The following HPN variants were observed in gnomAD, a reference collection of about 807,000 sequenced individuals.
HPN encodes hepsin, also known as serine protease hepsin.
HPN carries 13 observed loss-of-function variants against 55.9 expected under a neutral mutation model. That is an observed-to-expected ratio of 0.23 (90% CI 0.15 to 0.37). The LOEUF (loss-of-function observed/expected upper bound fraction) is 0.37. Among genes scored for constraint, HPN ranks in the 10% least tolerant of loss-of-function variants. HPN has a pLI of 1.00. For missense variants in HPN, 451 were observed against 575.8 expected, an observed-to-expected ratio of 0.78 and a Z score of 2.22; for synonymous variants, 225 against 240.3, an observed-to-expected ratio of 0.94 and a Z score of 0.59.
Position 35,065,350 on chromosome 19 carries a change from G to A in HPN, c.907+5G>A, listed in dbSNP as rs1397831317. 1 of 1,609,292 alleles carries A rather than the reference G, an allele frequency of 6.2e-7. No individual in the cohort carries two copies. Among genetic ancestry groups the A allele is most frequent in the Non-Finnish European group, 8.5e-7 (1 of 1,176,632 alleles). On this transcript the variant is annotated splice_donor_5th_base_variant and intron_variant, in intron 10 of 12. Transcript: ENST00000672452. ...GGGGCAACACGCAGTACTATGGTGA[G>A]TCCTGTCCTCTGCCTCTGATGCCAC... is the stretch of plus-strand genomic sequence containing the variant.
At position 35,060,663 on chromosome 19, in the gene HPN, C is replaced by G. The variant is rs148413093; in HGVS notation, c.657C>G (p.Ala219=). 1.3e-5 allele frequency: 21 copies of G among 1,614,006 alleles called. No individual in the cohort carries two copies. The highest frequency in any genetic ancestry group is 4.0e-5 in the African/African-American group (3 of 74,940). ...TCCTGTCCCGATGGCGAGTGTTTGC[C>G]GGTGCCGTGGCCCAGGCCTCTCCCC... ...NRVLSRWRVF[A]GAVAQASPHG... The change falls in exon 9 of 13, where the codon GCC becomes GCG. Residue 219 remains alanine (A), a synonymous_variant. Transcript: ENST00000672452.
chr19:35,047,838 A>G (rs2064356743), intron 2 of HPN, among the ~76,000 whole-genome samples: 1 of 151,908 alleles, frequency 6.6e-6, no homozygotes, highest in African/African-American at 2.4e-5. Context: ...CAATACAAAA[A>G]ATACAAAAAT....
chr19:35,065,658 G>A lies in HPN; in HGVS notation c.1027G>A (p.Glu343Lys), dbSNP rs753919157. 5.8e-5 allele frequency: 94 copies of A among 1,614,034 alleles called. No homozygotes were observed. Among genetic ancestry groups the A allele is most frequent in the Middle Eastern group, 1.6e-4 (1 of 6,084 alleles). ...CAAGATGTTCTGTGCTGGCTACCCCGAGGGTGGCATTGATGCCTGCCAGGT... is the reference window on the plus strand; with the variant it reads ...CAAGATGTTCTGTGCTGGCTACCCCAAGGGTGGCATTGATGCCTGCCAGGT... ...KPKMFCAGYP[E>K]GGIDACQGDS... is the part of the protein sequence containing the mutation. The change falls in exon 11 of 13, where the codon GAG becomes AAG. Residue 343 changes from glutamate to lysine, a missense_variant. Physicochemically the swap from Glu to Lys is moderately conservative, Grantham distance 56. This residue lies in a region of HPN where 73 missense variants were observed against 130.3 expected (regional missense o/e 0.56). Coordinates refer to ENST00000672452, the MANE Select transcript of HPN (RefSeq NM_001384133.1).
At chr19:35,060,197 C>T (rs751288680) in intron 7 of HPN, 28 bp downstream of exon 7, 2 of 1,613,552 alleles carry the variant, frequency 1.2e-6, no homozygotes, top group Non-Finnish European at 1.7e-6. Context: ...AGAACCCTCT[C>T]CTTTAGGCCC....
At chr19:35,051,610 A>G (rs2064406281) in intron 4 of HPN, among the ~76,000 whole-genome samples, 1 of 151,970 alleles carries the variant, frequency 6.6e-6, no homozygotes, top group South Asian at 2.1e-4. Context: ...GGAGCTAGTC[A>G]GTGTCAGGGC....
At chr19:35,059,609 T>A in intron 4 of HPN, 64 bp from the exon 5 acceptor site, 1 of 1,547,170 alleles carries the variant, frequency 6.5e-7, no homozygotes, top group Non-Finnish European at 8.7e-7. Context: ...GGGCTCCGGC[T>A]GGGGAAGCAT....
At chr19:35,046,489 C>T (rs1253302990) in intron 2 of HPN, among the ~76,000 whole-genome samples, 1 of 152,194 alleles carries the variant, frequency 6.6e-6, no homozygotes, top group East Asian at 1.9e-4. Context: ...AAGTGATCCA[C>T]CTGCCTCAGC....
intron 2 of HPN, among the ~76,000 whole-genome samples, chr19:35,042,770 C>A (rs2064306972): frequency 1.3e-5 from 2 of 152,192 alleles, no homozygotes; most frequent in Non-Finnish European, 2.9e-5. Flanking sequence ...TCCCCTCATC[C>A]CCCAGTGATT....
intron 4 of HPN, among the ~76,000 whole-genome samples, chr19:35,051,677 T>A (rs1418398337): frequency 8.2e-6 from 1 of 122,448 alleles, no homozygotes; most frequent in Non-Finnish European, 1.9e-5. Flanking sequence ...TACACTTGAT[T>A]GCTTGTTAAA....
In HPN at chr19:35,060,849, G is replaced by A. The variant is rs1184105335; in HGVS notation, c.811+32G>A. ...CTAAGGGCTGAGCCATGGGGCTTGA[G>A]GACCCGAGGCCAGGAGGACAGAGGA... is the stretch of plus-strand genomic sequence containing the variant. On this transcript the variant is annotated intron_variant, in intron 9 of 12. Transcript: ENST00000672452. 6.6e-6 allele frequency: 10 copies of A among 1,526,218 alleles called. No individual in the cohort carries two copies. In the East Asian group the frequency reaches 2.3e-4, roughly 35 times the overall value. The allele number at this position is 1,526,218 out of a possible 1,614,324, so 94.5% of individuals were successfully genotyped here. A position where few individuals can be genotyped will look rare whatever the true frequency, so the allele number is the denominator to read the frequency against.
rs1159735304 is a variant in HPN at position 35,042,455 on chromosome 19, C to T, written c.-52C>T. ...CCTCCCCGTCCATCTCCTCACAGGTCCCACCCTGGCCCAGGAGGTCAGCCA... is the reference window on the plus strand; with the variant it reads ...CCTCCCCGTCCATCTCCTCACAGGTTCCACCCTGGCCCAGGAGGTCAGCCA... On this transcript the variant is annotated splice_region_variant and 5_prime_UTR_variant, in exon 2 of 13. Transcript: ENST00000672452. The T allele has an allele frequency of 1.2e-5, 19 of 1,582,966 alleles. No homozygotes were observed. The highest frequency in any genetic ancestry group is 1.5e-5 in the Non-Finnish European group (17 of 1,164,998).
chr19:35,063,096 A>G (rs1340577044), intron 9 of HPN, among the ~76,000 whole-genome samples: 6 of 152,214 alleles, frequency 3.9e-5, no homozygotes, highest in Admixed American at 2.6e-4. Context: ...TGTCCTGTGT[A>G]TGGACTCACT....
At chr19:35,065,411 A>T (rs2064594727) in intron 10 of HPN, 66 bp downstream of exon 10, 2 of 1,565,630 alleles carry the variant, frequency 1.3e-6, no homozygotes, top group Non-Finnish European at 1.8e-6. Context: ...GGGGATGGGC[A>T]GTCTGGCTGG....
intron 2 of HPN, among the ~76,000 whole-genome samples, chr19:35,045,776 A>G (rs2064336288): frequency 6.6e-6 from 1 of 151,698 alleles, no homozygotes; most frequent in Admixed American, 6.5e-5. Context: ...ACCGTGGGCC[A>G]GATGAGGATG....
intron 4 of HPN, among the ~76,000 whole-genome samples, chr19:35,058,342 G>C (rs2064479918): frequency 2.0e-5 from 3 of 148,802 alleles, no homozygotes. Context: ...ATCATGCCTG[G>C]CTAATTTTTG....
In HPN at chr19:35,041,757, G is replaced by T; in HGVS notation, c.-170G>T. On this transcript the variant is annotated 5_prime_UTR_variant, in exon 1 of 13. Coordinates refer to ENST00000672452, the MANE Select transcript of HPN (RefSeq NM_001384133.1). ...CTGGCCTAGCAGGCCCCACGCCACC[G>T]CCTCTGCCTCCAGGCCGCCCGCTGC... 1 of 1,218,340 alleles carries T rather than the reference G, an allele frequency of 8.2e-7. No individual in the cohort carries two copies. The highest frequency in any genetic ancestry group is 1.3e-5 in the South Asian group (1 of 74,160). The allele number at this position is 1,218,340 out of a possible 1,614,324, so 75.5% of individuals were successfully genotyped here.
chr19:35,065,253 A>G lies in HPN; in HGVS notation c.815A>G (p.Tyr272Cys). The change falls in exon 10 of 13, where the codon TAC becomes TGC. Residue 272 changes from tyrosine to cysteine, a missense_variant. Physicochemically the swap from Tyr to Cys is radical, Grantham distance 194 (BLOSUM62 -2). This residue lies in a region of HPN where 378 missense variants were observed against 445.5 expected (regional missense o/e 0.85). Coordinates refer to ENST00000672452, the MANE Select transcript of HPN (RefSeq NM_001384133.1). ...ACCAGCATTGTCTCTCTCACAGAATACATCCAGCCTGTGTGCCTCCCAGCT... is the reference window on the plus strand; with the variant it reads ...ACCAGCATTGTCTCTCTCACAGAATGCATCCAGCCTGTGTGCCTCCCAGCT... ...HLSSPLPLTE[Y>C]IQPVCLPAAG... is the part of the protein sequence containing the mutation. The G allele has an allele frequency of 2.5e-6, 4 of 1,611,704 alleles. No individual in the cohort carries two copies. The highest frequency in any genetic ancestry group is 3.4e-6 in the Non-Finnish European group (4 of 1,178,472).
At chr19:35,056,264 T>A (rs1247648311) in intron 4 of HPN, among the ~76,000 whole-genome samples, 1 of 152,164 alleles carries the variant, frequency 6.6e-6, no homozygotes, top group East Asian at 1.9e-4. Context: ...TGTGGCCCCT[T>A]CCTATCTTGT....
Position 35,060,941 on chromosome 19 carries a change from C to T in HPN, c.811+124C>T, listed in dbSNP as rs564673410. 2.9e-5 allele frequency: 24 copies of T among 824,370 alleles called. No individual in the cohort carries two copies. The South Asian group carries it at 3.4e-4, about 12-fold the overall frequency. 51.1% of individuals were successfully genotyped at this position (824,370 alleles called of 1,614,324 possible). ...TCCTTGGCAATAAGGGGAATGATCT[C>T]GAGGGAGCACAAAGTGGGCCTTAAC... On this transcript the variant is annotated intron_variant, in intron 9 of 12. Coordinates refer to ENST00000672452, the MANE Select transcript of HPN (RefSeq NM_001384133.1).
Sources: gnomAD v4.1 joint callset for allele counts (sites outside exome capture counted in the v4.1 genomes callset) on GRCh38, gnomAD v4.1.1 for gene constraint, gnomAD v4.1.1 regional missense constraint, MANE v1.5 for transcripts, NCBI Gene and HGNC (gene_info 2026-07-23, HGNC 2026-07-21) for gene names.